Variants in PRDM10 observed in about 807,000 individuals in gnomAD.
PRDM10 encodes PR/SET domain 10.
In PRDM10, 65 loss-of-function variants were observed where a neutral mutation model predicts 133.1. That is an observed-to-expected ratio of 0.49 (90% CI 0.40 to 0.60). The LOEUF (loss-of-function observed/expected upper bound fraction) is 0.60. Among genes scored for constraint, PRDM10 ranks in the 20% least tolerant of loss-of-function variants. The pLI is 0.00. For missense variants in PRDM10, 1,137 were observed against 1,507.1 expected (o/e 0.75, Z 4.07); for synonymous variants, 582 against 580.4 (o/e 1.00, Z -0.04).
rs1264740466 is a variant in PRDM10 at position 129,931,066 on chromosome 11, T to G, written c.1480A>C (p.Thr494Pro). Residue 494 changes from threonine (T) to proline (P), a missense_variant, in exon 11 of 21, where the codon ACC (threonine) becomes CCC (proline). Thr to Pro is a conservative substitution (Grantham distance 38). This residue lies in a region of PRDM10 where 635 missense variants were observed against 835.2 expected (regional missense o/e 0.76). Transcript: ENST00000360871. Reference sequence around the variant, plus strand: ...TCGTCGGCTGTCAGCGTGCTCTGGGTGGGCACCACGCTCTCTTCATGCTGC... The same window carrying G: ...TCGTCGGCTGTCAGCGTGCTCTGGGGGGGCACCACGCTCTCTTCATGCTGC... ...QPQHEESVVPTQSTLTADDMR... is the reference protein window; with the variant it reads ...QPQHEESVVPPQSTLTADDMR... 1 of 1,614,138 alleles carries G rather than the reference T, an allele frequency of 6.2e-7. No individual in the cohort carries two copies. The highest frequency in any genetic ancestry group is 8.5e-7 in the Non-Finnish European group (1 of 1,180,014).
rs984326864 is a variant in PRDM10 at position 130,002,561 on chromosome 11, C to G, written c.-119+161G>C. On this transcript the variant is annotated intron_variant, in intron 1 of 20. Coordinates refer to ENST00000360871, the MANE Select transcript of PRDM10 (RefSeq NM_199437.2). ...CCCACCACCACCATCAATTCCCCCC[C>G]CACCCGGGTCCGCGGTCGGTTGGCC... Among the ~76,000 whole-genome samples the G allele has an allele frequency of 2.6e-5, 4 of 152,162 alleles. No homozygotes were observed. The East Asian group carries it at 5.8e-4, about 22-fold the overall frequency.
rs1291333056 is a variant in PRDM10, at chr11:130,000,128, C to CT, written c.-119+2593dup. Among the ~76,000 whole-genome samples the CT allele has an allele frequency of 1.5e-4, 22 of 149,972 alleles. No individual in the cohort carries two copies. The East Asian group carries it at 4.3e-3, about 29-fold the overall frequency. The stretch of plus-strand genomic sequence containing the variant: ...GCCCGATCTCAGCTCACTGTAAACT[C>CT]TGCCTCCCGGGTTCAAGTGATTCTC... On this transcript the variant is annotated intron_variant, in intron 1 of 20. Transcript: ENST00000360871.
intron 1 of PRDM10, among the ~76,000 whole-genome samples, chr11:129,967,022 T>C (rs895305343): frequency 1.4e-4 from 21 of 152,204 alleles, no homozygotes; most frequent in African/African-American, 5.1e-4. Context: ...AAGAGTGATA[T>C]GATAAAAATC....
intron 1 of PRDM10, among the ~76,000 whole-genome samples, chr11:129,968,823 T>C (rs1951957858): frequency 6.6e-6 from 1 of 152,118 alleles, no homozygotes; most frequent in African/African-American, 2.4e-5. Context: ...TGGCAAAAAT[T>C]AAGCAATATC....
chr11:129,962,334 T>C (rs549749875), intron 1 of PRDM10, among the ~76,000 whole-genome samples: 1 of 152,276 alleles, frequency 6.6e-6, no homozygotes, highest in South Asian at 2.1e-4. Flanking sequence ...AAAGAGAAGG[T>C]ACGTGAACTT....
In PRDM10 at chr11:129,942,597, C is replaced by A. The variant is rs150441931; in HGVS notation, c.795G>T (p.Arg265Ser). ...CAAACCATAGGTCTTCATGTAAATC[C>A]CTTTCTTTCCTGTCCCCTTTATCAA... ...VSLDKGDRKE[R>S]DLHEDLWFEL... The change falls in exon 7 of 21, where the codon AGG becomes AGT. Residue 265 changes from arginine (R) to serine (S), a missense_variant. Physicochemically the swap from Arg to Ser is moderately radical, Grantham distance 110 (BLOSUM62 -1). Transcript: ENST00000360871. The A allele has an allele frequency of 2.4e-5, 38 of 1,614,028 alleles. No individual in the cohort carries two copies. In the African/African-American group the frequency reaches 4.1e-4, roughly 18 times the overall value.
chr11:129,950,773 G>A (rs1951562089), intron 4 of PRDM10, among the ~76,000 whole-genome samples: 1 of 152,188 alleles, frequency 6.6e-6, no homozygotes, highest in South Asian at 2.1e-4. Flanking sequence ...GCTCTGCAGA[G>A]CCAACCTGAA....
chr11:129,938,774 C>T (rs1345872008), intron 7 of PRDM10, among the ~76,000 whole-genome samples: 1 of 152,192 alleles, frequency 6.6e-6, no homozygotes, highest in Non-Finnish European at 1.5e-5. Context: ...AACGGCTTCT[C>T]GTCTCATAGT....
At chr11:129,964,155 A>T (rs1015453441) in intron 1 of PRDM10, among the ~76,000 whole-genome samples, 1 of 152,160 alleles carries the variant, frequency 6.6e-6, no homozygotes, top group African/African-American at 2.4e-5. Context: ...AGCTTGGCTC[A>T]CTGATGGCAC....
intron 17 of PRDM10, among the ~76,000 whole-genome samples, chr11:129,912,707 G>A (rs1272705192): frequency 6.7e-6 from 1 of 149,686 alleles, no homozygotes. Context: ...AGCTGGGATT[G>A]CACCACTGCA....
intron 11 of PRDM10, among the ~76,000 whole-genome samples, chr11:129,928,964 T>A (rs1054128423): frequency 6.6e-5 from 10 of 152,212 alleles, no homozygotes; most frequent in African/African-American, 2.4e-4. Flanking sequence ...CCAAGAATTA[T>A]CCTGACTCCT....
intron 1 of PRDM10, among the ~76,000 whole-genome samples, chr11:129,961,358 G>A (rs1429533635): frequency 1.3e-5 from 2 of 152,004 alleles, no homozygotes; most frequent in Non-Finnish European, 2.9e-5. Flanking sequence ...AGGCTGGAGT[G>A]CAGTGGCACA....
intron 1 of PRDM10, among the ~76,000 whole-genome samples, chr11:129,962,462 C>T (rs1237597739): frequency 6.6e-6 from 1 of 152,206 alleles, no homozygotes; most frequent in Non-Finnish European, 1.5e-5. Flanking sequence ...GCTGCAGCAC[C>T]CCCCACCACA....
At position 129,937,664 on chromosome 11, in the gene PRDM10, A is replaced by G. The variant is rs543641163; in HGVS notation, c.973T>C (p.Tyr325His). 1 of 1,612,896 alleles carries G rather than the reference A, an allele frequency of 6.2e-7. No homozygotes were observed. Among genetic ancestry groups the G allele is most frequent in the Non-Finnish European group, 8.5e-7 (1 of 1,179,750 alleles). Residue 325 changes from tyrosine (Y) to histidine (H), a missense_variant, in exon 8 of 21, where the codon TAT becomes CAT. Physicochemically the swap from Tyr to His is moderately conservative, Grantham distance 83. Around this residue, in one of 6 missense-constraint regions of PRDM10, gnomAD observed 635 missense variants for 835.2 expected, o/e 0.76. Transcript: ENST00000360871. ...ACGAACTCAGCATAGGATGCGGCAT[A>G]CCACACCTGCAAGAAGCAAGTATAT... Reference protein sequence around the residue: ...VEPKQELKVWYAASYAEFVNQ... With the variant: ...VEPKQELKVWHAASYAEFVNQ...
intron 1 of PRDM10, among the ~76,000 whole-genome samples, chr11:129,966,757 A>C (rs1392747697): frequency 1.3e-5 from 2 of 152,182 alleles, no homozygotes; most frequent in Non-Finnish European, 2.9e-5. Context: ...TTGAGTGAGA[A>C]AACAGCAGGA....
chr11:129,988,779 GCCA>G (rs1363755225), intron 1 of PRDM10, among the ~76,000 whole-genome samples: 1 of 151,934 alleles, frequency 6.6e-6, no homozygotes, highest in African/African-American at 2.4e-5. Flanking sequence ...ACAGGCGTCC[GCCA>G]CCACACCCAG....
chr11:129,909,050 G>A (rs1485885505), intron 19 of PRDM10, among the ~76,000 whole-genome samples: 1 of 152,006 alleles, frequency 6.6e-6, no homozygotes, highest in Non-Finnish European at 1.5e-5. Context: ...TCTTTCACAG[G>A]AATTACACTG....
intron 13 of PRDM10, among the ~76,000 whole-genome samples, chr11:129,922,831 G>C (rs1187589124): frequency 6.6e-6 from 1 of 152,124 alleles, no homozygotes; most frequent in Non-Finnish European, 1.5e-5. Flanking sequence ...GCATTCTTCA[G>C]ATTTCCCACC....
intron 8 of PRDM10, among the ~76,000 whole-genome samples, chr11:129,936,631 T>C (rs143488352): frequency 0.036 from 5,463 of 151,574 alleles, 131 homozygotes; most frequent in Admixed American, 0.065. Context: ...CCAGCCTCGG[T>C]GACAGAGCAA....
Sources: gnomAD v4.1 joint callset for allele counts (sites outside exome capture counted in the v4.1 genomes callset) on GRCh38, gnomAD v4.1.1 for gene constraint, gnomAD v4.1.1 regional missense constraint, MANE v1.5 for transcripts, NCBI Gene and HGNC (gene_info 2026-07-23, HGNC 2026-07-21) for gene names.